PTPN5: variants seen among roughly 807,000 people sequenced by gnomAD.
PTPN5 encodes protein tyrosine phosphatase non-receptor type 5.
A neutral mutation model predicts 73.9 loss-of-function variants in PTPN5; 29 were observed. The ratio of observed to expected loss-of-function variants is 0.39; its 90% CI spans 0.29 to 0.54. The LOEUF (loss-of-function observed/expected upper bound fraction) is 0.54, where lower values mean the gene tolerates loss of function less well. PTPN5 is among the 20% of genes least tolerant of loss of function. The probability of loss-of-function intolerance (pLI) is 0.65; values close to 1 mark genes in which losing one functional copy is unlikely to be tolerated. For synonymous variants in PTPN5, 267 were observed against 304.7 expected, an observed-to-expected ratio of 0.88 and a Z score of 1.29; for missense variants, 652 against 751.4, an observed-to-expected ratio of 0.87 and a Z score of 1.55.
In PTPN5 at chr11:18,742,610, A is replaced by C; in HGVS notation, c.484-107T>G. The C allele has an allele frequency of 6.7e-7, 1 of 1,489,350 alleles. No individual in the cohort carries two copies. The highest frequency in any genetic ancestry group is 9.0e-7 in the Non-Finnish European group (1 of 1,113,302). The allele number at this position is 1,489,350 out of a possible 1,614,324, so 92.3% of individuals were successfully genotyped here. On this transcript the variant is annotated intron_variant, in intron 6 of 14. Coordinates refer to ENST00000358540, the MANE Select transcript of PTPN5 (RefSeq NM_006906.2). The surrounding 1 kb of genome is among the most constrained non-coding windows in gnomAD (Gnocchi z 4.1). The stretch of plus-strand genomic sequence containing the variant: ...CCCCCCACTCCCTCAGTGTGTCTAG[A>C]GCAGCTCTGCTCTCCTGGGAGTTGT...
rs1322800805 is a variant in PTPN5 at position 18,781,142 on chromosome 11, A to AC, written c.-113-9072dup. On this transcript the variant is annotated intron_variant, in intron 1 of 14. Coordinates refer to ENST00000358540, the MANE Select transcript of PTPN5 (RefSeq NM_006906.2). ...TGAGATTGACTCTGATCTTTGCCGC[A>AC]CCCCCCCGGCCCCGCCCCGGCCCCC... Among the ~76,000 whole-genome samples, 591 of 149,398 alleles carry AC rather than the reference A, an allele frequency of 4.0e-3. 2 individuals are homozygous for AC. The highest frequency in any genetic ancestry group is 0.014 in the African/African-American group (561 of 40,438).
intron 3 of PTPN5, among the ~76,000 whole-genome samples, chr11:18,764,554 C>T (rs1309195998): frequency 6.6e-6 from 1 of 152,156 alleles, no homozygotes; most frequent in Non-Finnish European, 1.5e-5. Flanking sequence ...GAAGAGTCAT[C>T]GCTTTAGACT....
chr11:18,734,109 G>C (rs1432228580), intron 9 of PTPN5, among the ~76,000 whole-genome samples: 1 of 151,404 alleles, frequency 6.6e-6, no homozygotes, highest in African/African-American at 2.4e-5. Context: ...TACTTGCTTG[G>C]GCTGTTGGGA....
In PTPN5 at chr11:18,772,026, G is replaced by T; in HGVS notation, c.-68C>A. The T allele has an allele frequency of 7.7e-7, 1 of 1,291,836 alleles. No homozygotes were observed. The highest frequency in any genetic ancestry group is 1.1e-6 in the Non-Finnish European group (1 of 934,078). 80.0% of individuals were successfully genotyped at this position (1,291,836 alleles called of 1,614,324 possible). On this transcript the variant is annotated 5_prime_UTR_variant, in exon 2 of 15. Coordinates refer to ENST00000358540, the MANE Select transcript of PTPN5 (RefSeq NM_006906.2). ...AGGAAGCTTTCTCAGCAAAAAGCAA[G>T]CTGGTGATATAAATGAAGGAGAGAG...
At chr11:18,787,655 A>C (rs1242624083) in intron 1 of PTPN5, among the ~76,000 whole-genome samples, 1 of 152,140 alleles carries the variant, frequency 6.6e-6, no homozygotes, top group Non-Finnish European at 1.5e-5. Context: ...CTCTTCACTC[A>C]GGTCTTTGTT....
At chr11:18,740,928 T>C (rs1849337475) in intron 7 of PTPN5, 136 bp from the exon 8 acceptor site, 2 of 473,550 alleles carry the variant, frequency 4.2e-6, no homozygotes, top group Non-Finnish European at 7.3e-6. Context: ...GGAGTGGGAG[T>C]GTGACAAGAC....
rs186205515 is a variant in PTPN5, at chr11:18,773,614, G to A, written c.-113-1543C>T. 2.3e-3 allele frequency among the ~76,000 whole-genome samples: 355 copies of A among 152,314 alleles called. 3 individuals are homozygous for A. The highest frequency in any genetic ancestry group is 2.3e-3 in the Non-Finnish European group (158 of 68,024). The stretch of plus-strand genomic sequence containing the variant: ...ACAGCAGTGGGTCAGAGTCATTCCA[G>A]TGATGGCTGGGATTGAATTTCCTAC... On this transcript the variant is annotated intron_variant, in intron 1 of 14. Coordinates refer to ENST00000358540, the MANE Select transcript of PTPN5 (RefSeq NM_006906.2).
At chr11:18,785,434 T>G (rs1022877022) in intron 1 of PTPN5, among the ~76,000 whole-genome samples, 1 of 152,224 alleles carries the variant, frequency 6.6e-6, no homozygotes, top group Non-Finnish European at 1.5e-5. Flanking sequence ...ATATGTGGAC[T>G]AATTTCAACT....
At chr11:18,745,053 G>A (rs933016124) in intron 3 of PTPN5, among the ~76,000 whole-genome samples, 1 of 152,224 alleles carries the variant, frequency 6.6e-6, no homozygotes, top group Non-Finnish European at 1.5e-5. Flanking sequence ...CTACTAAAGA[G>A]TCTGAATACC....
intron 1 of PTPN5, among the ~76,000 whole-genome samples, chr11:18,783,644 T>C (rs1564934103): frequency 6.6e-6 from 1 of 152,152 alleles, no homozygotes; most frequent in Non-Finnish European, 1.5e-5. Context: ...ATTGAGATAA[T>C]GTAGTAAGCA....
chr11:18,750,623 C>T (rs574117271), intron 3 of PTPN5, among the ~76,000 whole-genome samples: 3 of 152,292 alleles, frequency 2.0e-5, no homozygotes, highest in Non-Finnish European at 4.4e-5. Context: ...TGATCTTGGG[C>T]AATTTCCCAA....
At chr11:18,739,090 C>A (rs1849248658) in intron 8 of PTPN5, among the ~76,000 whole-genome samples, 5 of 152,148 alleles carry the variant, frequency 3.3e-5, no homozygotes, top group Admixed American at 3.3e-4. Context: ...CCAGCTTAGC[C>A]CCTGACTGCA....
rs779068471 is a variant in PTPN5, at chr11:18,729,965, T to C, written c.1330-147A>G. On this transcript the variant is annotated intron_variant, in intron 12 of 14. Transcript: ENST00000358540. The surrounding 1 kb of genome is among the most constrained non-coding windows in gnomAD (Gnocchi z 5.2). ...CCTTCACCCTTCCATCTAGGCCACA[T>C]TGCCCAGTGGCACCAGACACAGACC... The C allele has an allele frequency of 1.3e-5, 14 of 1,066,122 alleles. No homozygotes were observed. The African/African-American group carries it at 2.0e-4, about 16-fold the overall frequency. The allele number at this position is 1,066,122 out of a possible 1,614,324, so 66.0% of individuals were successfully genotyped here.
chr11:18,743,793 G>C, intron 4 of PTPN5: 10 of 599,176 alleles, frequency 1.7e-5, no homozygotes, highest in Non-Finnish European at 1.7e-5. Flanking sequence ...TCTTAGGTTA[G>C]GGAGGCAGGG....
At chr11:18,732,933 G>A (rs777015957) in intron 11 of PTPN5, among the ~76,000 whole-genome samples, 21 of 152,122 alleles carry the variant, frequency 1.4e-4, no homozygotes, top group Non-Finnish European at 1.3e-4. Flanking sequence ...ATGGAGATTC[G>A]GTTAAATGGG....
intron 1 of PTPN5, among the ~76,000 whole-genome samples, chr11:18,787,273 A>G (rs1351571943): frequency 1.3e-5 from 2 of 152,226 alleles, no homozygotes; most frequent in South Asian, 2.1e-4. Flanking sequence ...ATTGGTTCAT[A>G]TAAGTCTAAG....
At chr11:18,744,969 C>G (rs1373274890) in intron 3 of PTPN5, among the ~76,000 whole-genome samples, 1 of 152,224 alleles carries the variant, frequency 6.6e-6, no homozygotes, top group African/African-American at 2.4e-5. Context: ...GTCTGCCCCT[C>G]AAGGGCAGAA....
At chr11:18,737,309 C>T (rs992410224) in intron 9 of PTPN5, among the ~76,000 whole-genome samples, 4 of 152,184 alleles carry the variant, frequency 2.6e-5, no homozygotes, top group Non-Finnish European at 5.9e-5. Context: ...CTGCTCGTGC[C>T]GCCTCACTTG....
rs56197255 is a variant in PTPN5, at chr11:18,742,930, G to A, written c.483+62C>T. ...CCTATAAGTCAGATGGGAGCTGGTA[G>A]AAATCCAGGCCTCAAGGTCAGAGGA... On this transcript the variant is annotated intron_variant, in intron 6 of 14. Coordinates refer to ENST00000358540, the MANE Select transcript of PTPN5 (RefSeq NM_006906.2). The surrounding 1 kb of genome is among the most constrained non-coding windows in gnomAD (Gnocchi z 4.1). 4 of 1,113,836 alleles carry A rather than the reference G, an allele frequency of 3.6e-6. No individual in the cohort carries two copies. The highest frequency in any genetic ancestry group is 5.3e-6 in the Non-Finnish European group (4 of 749,560). 69.0% of individuals were successfully genotyped at this position (1,113,836 alleles called of 1,614,324 possible). A position where few individuals can be genotyped will look rare whatever the true frequency, so the allele number is the denominator to read the frequency against.
Sources: gnomAD v4.1 joint callset for allele counts (sites outside exome capture counted in the v4.1 genomes callset) on GRCh38, gnomAD v4.1.1 for gene constraint, Gnocchi (gnomAD v3.1) non-coding constraint, MANE v1.5 for transcripts, NCBI Gene and HGNC (gene_info 2026-07-23, HGNC 2026-07-21) for gene names.